The following TBL1X variants were observed in gnomAD, a reference collection of about 807,000 sequenced individuals.
TBL1X encodes the protein F-box-like/WD repeat-containing protein TBL1X.
Under a neutral mutation model 50.7 loss-of-function variants are expected in TBL1X, and 10 were observed. The ratio of observed to expected loss-of-function variants is 0.20; its 90% confidence interval spans 0.12 to 0.33. TBL1X has a LOEUF of 0.33. Among genes scored for constraint, TBL1X ranks in the 10% least tolerant of loss-of-function variants. The probability of loss-of-function intolerance (pLI) is 1.00; values close to 1 mark genes in which losing one functional copy is unlikely to be tolerated. For synonymous variants in TBL1X, 190 were observed against 214.7 expected (o/e 0.88, Z 1.01); for missense variants, 340 against 504.4 (o/e 0.67, Z 3.12).
chrX:9,586,706 G>T (rs2082471676), intron 2 of TBL1X, among the ~76,000 whole-genome samples: 1 of 111,873 alleles, frequency 8.9e-6, no homozygotes, highest in Non-Finnish European at 1.9e-5. Flanking sequence ...TTCAAGACCA[G>T]CCTGGGCAAC....
chrX:9,693,802 T>G (rs2083113641), intron 11 of TBL1X, among the ~76,000 whole-genome samples: 1 of 111,427 alleles, frequency 9.0e-6, no homozygotes, highest in Non-Finnish European at 1.9e-5. Flanking sequence ...TTCTTCAGGC[T>G]TCGGCTTTCC....
intron 2 of TBL1X, among the ~76,000 whole-genome samples, chrX:9,569,442 CTG>C (rs2082373723): frequency 1.8e-5 from 2 of 111,586 alleles, no homozygotes; most frequent in South Asian, 7.3e-4. Context: ...GTGTACCGTG[CTG>C]TGTGTGTGTT....
intron 2 of TBL1X, among the ~76,000 whole-genome samples, chrX:9,511,428 TAACC>T (rs1273405667): frequency 8.9e-6 from 1 of 112,190 alleles, no homozygotes; most frequent in Non-Finnish European, 1.9e-5. Context: ...GGAAGCCATG[TAACC>T]ACCTGAGACG....
At chrX:9,480,885 A>G (rs1401699479) in intron 1 of TBL1X, among the ~76,000 whole-genome samples, 1 of 109,976 alleles carries the variant, frequency 9.1e-6, no homozygotes, top group Non-Finnish European at 1.9e-5. Flanking sequence ...CAGGTATGCA[A>G]TAGTGTTTGG....
chrX:9,645,553 A>G lies in TBL1X; in HGVS notation c.-43+5193A>G, dbSNP rs927911794. Among the ~76,000 whole-genome samples the G allele has an allele frequency of 3.6e-5, 4 of 111,923 alleles. No individual in the cohort carries two copies. The Admixed American group carries it at 3.8e-4, about 11-fold the overall frequency. ...ACTAGTTTATTCCATATTTAAATGGAGGCGTCACTGCTCGGCATTGGAACT... is the reference window on the plus strand; with the variant it reads ...ACTAGTTTATTCCATATTTAAATGGGGGCGTCACTGCTCGGCATTGGAACT... On this transcript the variant is annotated intron_variant, in intron 3 of 17. Coordinates refer to ENST00000645353, the MANE Select transcript of TBL1X (RefSeq NM_005647.4).
Position 9,544,483 on chromosome X carries a change from GT to G in TBL1X, c.-131+42645del, listed in dbSNP as rs1373868184. The stretch of plus-strand genomic sequence containing the variant: ...CGTGGTACAAATGCAAAGTGAGTGG[GT>G]TTTTTTTTTTCCTTAAACGACAGTG... On this transcript the variant is annotated intron_variant, in intron 2 of 17. Coordinates refer to ENST00000645353, the MANE Select transcript of TBL1X (RefSeq NM_005647.4). Among the ~76,000 whole-genome samples the G allele has an allele frequency of 9.5e-4, 100 of 105,787 alleles. 1 individual carries two copies. The East Asian group carries it at 0.012, about 13-fold the overall frequency. 91.9% of individuals were successfully genotyped at this position (105,787 alleles called of 115,157 possible). A position where few individuals can be genotyped will look rare whatever the true frequency, so the allele number is the denominator to read the frequency against.
intron 15 of TBL1X, among the ~76,000 whole-genome samples, chrX:9,711,287 A>G (rs1319726555): frequency 9.3e-6 from 1 of 107,432 alleles, no homozygotes; most frequent in African/African-American, 3.4e-5. Flanking sequence ...GGCTGCAGTG[A>G]GTCATGATCA....
rs560785967 is a variant in TBL1X at position 9,598,652 on chromosome X, A to G, written c.-130-41621A>G. The stretch of plus-strand genomic sequence containing the variant: ...GCATAAGTTTGTTGTGGATGCCATA[A>G]CAAAGCGCTGCTGGAGTGGCTAAAA... On this transcript the variant is annotated intron_variant, in intron 2 of 17. Transcript: ENST00000645353. 1.4e-4 allele frequency among the ~76,000 whole-genome samples: 16 copies of G among 112,100 alleles called. No homozygotes were observed. The South Asian group carries it at 5.2e-3, about 37-fold the overall frequency.
intron 5 of TBL1X, among the ~76,000 whole-genome samples, chrX:9,671,961 G>A (rs111936307): frequency 8.9e-6 from 1 of 112,234 alleles, no homozygotes; most frequent in African/African-American, 3.3e-5. Context: ...TCAGTTGTAC[G>A]ATCTTTTCTA....
intron 2 of TBL1X, among the ~76,000 whole-genome samples, chrX:9,585,210 AC>A (rs1337916244): frequency 9.0e-6 from 1 of 110,843 alleles, no homozygotes; most frequent in Non-Finnish European, 1.9e-5. Flanking sequence ...AGCACTTCTT[AC>A]CTCATTCATT....
chrX:9,510,357 T>C (rs988541902), intron 2 of TBL1X, among the ~76,000 whole-genome samples: 27 of 112,329 alleles, frequency 2.4e-4, no homozygotes, highest in Non-Finnish European at 4.3e-4. Context: ...GTGGAACGCC[T>C]TGGACACTGG....
At chrX:9,483,482 G>T (rs1299993244) in intron 1 of TBL1X, among the ~76,000 whole-genome samples, 2 of 111,782 alleles carry the variant, frequency 1.8e-5, no homozygotes, top group East Asian at 5.6e-4. Flanking sequence ...TTGATCTGGT[G>T]GTCACGTTCA....
intron 12 of TBL1X, among the ~76,000 whole-genome samples, chrX:9,697,715 G>A (rs753414254): frequency 6.3e-5 from 7 of 111,679 alleles, no homozygotes; most frequent in South Asian, 7.5e-4. Flanking sequence ...AGTTTGCGGT[G>A]AGCCAAGATT....
chrX:9,557,499 G>A (rs192261718), intron 2 of TBL1X, among the ~76,000 whole-genome samples: 54 of 110,826 alleles, frequency 4.9e-4, no homozygotes, highest in African/African-American at 1.6e-3. Context: ...CTGGACTGGC[G>A]TCTGATTGAT....
chrX:9,566,319 G>A (rs2082351207), intron 2 of TBL1X, among the ~76,000 whole-genome samples: 1 of 111,868 alleles, frequency 8.9e-6, no homozygotes, highest in Non-Finnish European at 1.9e-5. Context: ...AAAATTACCT[G>A]TAAGAACCAC....
chrX:9,594,551 C>T (rs924404601), intron 2 of TBL1X, among the ~76,000 whole-genome samples: 2 of 111,973 alleles, frequency 1.8e-5, no homozygotes, highest in Non-Finnish European at 3.8e-5. Context: ...GGAACTTATC[C>T]CCTGGCCATC....
rs754158200 is a variant in TBL1X, at chrX:9,483,882, G to C, written c.-200-17898G>C. The stretch of plus-strand genomic sequence containing the variant: ...TGTCCATACGCTAATATGTAGTCTT[G>C]GGTCTTTATCCGAATGGAGTCCTAT... On this transcript the variant is annotated intron_variant, in intron 1 of 17. Coordinates refer to ENST00000645353, the MANE Select transcript of TBL1X (RefSeq NM_005647.4). Among the ~76,000 whole-genome samples, 3 of 111,693 alleles carry C rather than the reference G, an allele frequency of 2.7e-5. No homozygotes were observed. The East Asian group carries it at 8.4e-4, about 31-fold the overall frequency.
At chrX:9,503,307 T>C (rs2082010521) in intron 2 of TBL1X, among the ~76,000 whole-genome samples, 1 of 112,638 alleles carries the variant, frequency 8.9e-6, no homozygotes, top group African/African-American at 3.2e-5. Flanking sequence ...AACCCACGGA[T>C]TGGAAGATCT....
At chrX:9,592,481 A>G (rs2082505672) in intron 2 of TBL1X, among the ~76,000 whole-genome samples, 1 of 112,151 alleles carries the variant, frequency 8.9e-6, no homozygotes, top group Non-Finnish European at 1.9e-5. Flanking sequence ...GTGGTAAGAT[A>G]TACATTACGT....
Sources: allele counts gnomAD v4.1 joint callset (sites outside exome capture counted in the v4.1 genomes callset), GRCh38; gene constraint gnomAD v4.1.1; transcripts MANE v1.5; gene names NCBI Gene and HGNC (gene_info 2026-07-23, HGNC 2026-07-21).